The following MAML2 variants were observed in gnomAD, a reference collection of about 807,000 sequenced individuals.
MAML2 encodes the protein mastermind-like protein 2.
MAML2 carries 22 observed loss-of-function variants against 96.1 expected under a neutral mutation model. That is an observed-to-expected ratio of 0.23 (90% CI 0.16 to 0.33). The LOEUF (loss-of-function observed/expected upper bound fraction) is 0.33. Among genes scored for constraint, MAML2 ranks in the 10% least tolerant of loss-of-function variants. The pLI is 1.00. For missense variants in MAML2, 1,367 were observed against 1,392.4 expected, an observed-to-expected ratio of 0.98 and a Z score of 0.29; for synonymous variants, 561 against 521.3, an observed-to-expected ratio of 1.08 and a Z score of -1.04.
At chr11:96,038,455 T>C (rs543832700) in intron 2 of MAML2, among the ~76,000 whole-genome samples, 2 of 152,368 alleles carry the variant, frequency 1.3e-5, no homozygotes, top group East Asian at 3.9e-4. Flanking sequence ...AAATTATGAC[T>C]AGATCTTGAA....
chr11:96,139,286 GC>G (rs1444759144), intron 1 of MAML2, among the ~76,000 whole-genome samples: 1 of 151,984 alleles, frequency 6.6e-6, no homozygotes, highest in Non-Finnish European at 1.5e-5. Flanking sequence ...GACCATCCTG[GC>G]TAACACAGTG....
chr11:96,145,997 A>T (rs2135871328), intron 1 of MAML2, among the ~76,000 whole-genome samples: 1 of 152,286 alleles, frequency 6.6e-6, no homozygotes, highest in South Asian at 2.1e-4. Flanking sequence ...TGACAGAGCA[A>T]GACTCCGTCT....
intron 1 of MAML2, among the ~76,000 whole-genome samples, chr11:96,219,424 C>A (rs1479063202): frequency 6.6e-6 from 1 of 152,184 alleles, no homozygotes; most frequent in Non-Finnish European, 1.5e-5. Flanking sequence ...TTATACAGTT[C>A]ATTTGACGTT....
intron 1 of MAML2, among the ~76,000 whole-genome samples, chr11:96,259,102 G>T (rs1379725491): frequency 6.6e-6 from 1 of 152,122 alleles, no homozygotes; most frequent in African/African-American, 2.4e-5. Context: ...CTTTAAACTT[G>T]TATCTTGAAG....
intron 2 of MAML2, among the ~76,000 whole-genome samples, chr11:95,991,992 G>A (rs939473545): frequency 6.6e-6 from 1 of 152,144 alleles, no homozygotes. Context: ...TCCAGAAGGT[G>A]TTTATGGAAC....
At chr11:96,054,858 T>G (rs1335730696) in intron 2 of MAML2, among the ~76,000 whole-genome samples, 1 of 152,122 alleles carries the variant, frequency 6.6e-6, no homozygotes, top group African/African-American at 2.4e-5. Flanking sequence ...ATTTCTTTAT[T>G]CAGATTAGAA....
At chr11:96,209,646 A>T (rs1277320792) in intron 1 of MAML2, among the ~76,000 whole-genome samples, 4 of 152,130 alleles carry the variant, frequency 2.6e-5, no homozygotes, top group Non-Finnish European at 5.9e-5. Context: ...TGTATTCTTT[A>T]TTGGTATCCT....
At chr11:96,084,481 G>GGA (rs1472229216) in intron 2 of MAML2, among the ~76,000 whole-genome samples, 1 of 152,148 alleles carries the variant, frequency 6.6e-6, no homozygotes, top group Non-Finnish European at 1.5e-5. Flanking sequence ...TGGGGGATGT[G>GGA]GAGATGGGCT....
chr11:96,172,476 C>A (rs1408608453), intron 1 of MAML2, among the ~76,000 whole-genome samples: 1 of 152,188 alleles, frequency 6.6e-6, no homozygotes, highest in Non-Finnish European at 1.5e-5. Context: ...AGAACAGCTT[C>A]TTTTCTCAAA....
chr11:96,119,469 C>T (rs905572937), intron 1 of MAML2, among the ~76,000 whole-genome samples: 2 of 152,326 alleles, frequency 1.3e-5, no homozygotes, highest in East Asian at 1.9e-4. Flanking sequence ...GAAGGCAGCC[C>T]GGCCGACACT....
At chr11:95,990,850 G>A (rs1458443546) in intron 3 of MAML2, among the ~76,000 whole-genome samples, 2 of 152,112 alleles carry the variant, frequency 1.3e-5, no homozygotes, top group African/African-American at 2.4e-5. Context: ...TGAAACCAGG[G>A]CTGAGCAGAT....
intron 2 of MAML2, among the ~76,000 whole-genome samples, chr11:96,072,318 C>T (rs2135789269): frequency 6.6e-6 from 1 of 152,262 alleles, no homozygotes; most frequent in African/African-American, 2.4e-5. Flanking sequence ...TACAATATTA[C>T]CTGCATACTT....
rs565429375 is a variant in MAML2, at chr11:96,247,211, C to CA, written c.513+94171dup. Among the ~76,000 whole-genome samples the CA allele has an allele frequency of 4.0e-3, 583 of 146,926 alleles. 3 individuals are homozygous for CA. Among genetic ancestry groups the CA allele is most frequent in the East Asian group, 0.013 (65 of 5,066 alleles). On this transcript the variant is annotated intron_variant, in intron 1 of 4. Transcript: ENST00000524717. ...AAGTATATATCAGATTCAGACCATG[C>CA]AAAAAAAAAATAAGTAAACCTTCAG...
intron 1 of MAML2, among the ~76,000 whole-genome samples, chr11:96,236,278 G>A (rs1037132737): frequency 1.3e-5 from 2 of 152,108 alleles, no homozygotes; most frequent in Admixed American, 1.3e-4. Context: ...CTTCACAACA[G>A]CAAAGAATCT....
At chr11:96,249,243 T>C (rs1341732056) in intron 1 of MAML2, among the ~76,000 whole-genome samples, 1 of 152,218 alleles carries the variant, frequency 6.6e-6, no homozygotes, top group African/African-American at 2.4e-5. Flanking sequence ...CTGTCTCCTT[T>C]CTGCTTCCAC....
intron 1 of MAML2, among the ~76,000 whole-genome samples, chr11:96,234,238 T>C (rs1862336154): frequency 1.3e-5 from 2 of 152,098 alleles, no homozygotes; most frequent in South Asian, 4.1e-4. Flanking sequence ...TCCCAGCACT[T>C]TGGGAAGCCA....
chr11:96,126,802 T>C (rs1439828357), intron 1 of MAML2, among the ~76,000 whole-genome samples: 1 of 152,194 alleles, frequency 6.6e-6, no homozygotes, highest in Non-Finnish European at 1.5e-5. Context: ...CATTGAGCAG[T>C]TCTCATGCGC....
At chr11:96,220,932 C>T (rs973344546) in intron 1 of MAML2, among the ~76,000 whole-genome samples, 2 of 152,174 alleles carry the variant, frequency 1.3e-5, no homozygotes, top group Non-Finnish European at 1.5e-5. Context: ...TTGGAAGACT[C>T]TGGCTAAAAC....
rs76231487 is a variant in MAML2, at chr11:96,194,526, A to G, written c.514-101009T>C. The stretch of plus-strand genomic sequence containing the variant: ...CAAAACAGTTTACTGCAGGGAAAGA[A>G]TAAATTTGTTGGATTAAATAATTTA... On this transcript the variant is annotated intron_variant, in intron 1 of 4. Coordinates refer to ENST00000524717, the MANE Select transcript of MAML2 (RefSeq NM_032427.4). Among the ~76,000 whole-genome samples the G allele has an allele frequency of 6.1e-3, 927 of 152,364 alleles. 10 individuals are homozygous for G. The highest frequency in any genetic ancestry group is 0.021 in the African/African-American group (875 of 41,584).
Sources: allele counts gnomAD v4.1 joint callset (sites outside exome capture counted in the v4.1 genomes callset), GRCh38; gene constraint gnomAD v4.1.1; transcripts MANE v1.5; gene names NCBI Gene and HGNC (gene_info 2026-07-23, HGNC 2026-07-21).